The following PLXNA4 variants were observed in gnomAD, a reference collection of about 807,000 sequenced individuals.
PLXNA4 encodes the protein plexin-A4.
Under a neutral mutation model 191.8 loss-of-function variants are expected in PLXNA4, and 44 were observed. That is an observed-to-expected ratio of 0.23 (90% CI 0.18 to 0.29). The LOEUF (loss-of-function observed/expected upper bound fraction) is 0.29. PLXNA4 is among the 10% of genes least tolerant of loss of function. PLXNA4 has a pLI of 1.00. For synonymous variants in PLXNA4, 1,082 were observed against 1,009.5 expected (o/e 1.07, Z -1.36); for missense variants, 1,800 against 2,488.8 (o/e 0.72, Z 5.89).
At chr7:132,587,413 AAATT>A (rs1802522314) in intron 2 of PLXNA4, among the ~76,000 whole-genome samples, 1 of 152,210 alleles carries the variant, frequency 6.6e-6, no homozygotes, top group Non-Finnish European at 1.5e-5. Flanking sequence ...AAGAAAAAAT[AAATT>A]GTCTTGAGTG....
chr7:132,147,504 C>T (rs1196320793), intron 27 of PLXNA4, among the ~76,000 whole-genome samples: 1 of 152,172 alleles, frequency 6.6e-6, no homozygotes, highest in African/African-American at 2.4e-5. Context: ...TACCTGCACT[C>T]CACTGCAAAA....
intron 3 of PLXNA4, among the ~76,000 whole-genome samples, chr7:132,436,802 A>G (rs1795487656): frequency 6.6e-6 from 1 of 151,984 alleles, no homozygotes; most frequent in African/African-American, 2.4e-5. Flanking sequence ...GGAATGACCT[A>G]TTAAAATCCC....
chr7:132,481,094 T>A (rs1797316900), intron 3 of PLXNA4, among the ~76,000 whole-genome samples: 1 of 152,022 alleles, frequency 6.6e-6, no homozygotes, highest in South Asian at 2.1e-4. Context: ...GTGAGAGGAT[T>A]AGAACTGCTT....
intron 4 of PLXNA4, among the ~76,000 whole-genome samples, chr7:132,273,977 C>T (rs1800174627): frequency 1.3e-5 from 2 of 151,032 alleles, no homozygotes; most frequent in South Asian, 4.2e-4. Context: ...CTGAGGTTCA[C>T]CCATGCCATA....
intron 29 of PLXNA4, among the ~76,000 whole-genome samples, chr7:132,142,567 A>C (rs138908520): frequency 6.6e-6 from 1 of 152,234 alleles, no homozygotes; most frequent in Non-Finnish European, 1.5e-5. Context: ...GTCGACAAGG[A>C]TCTATTAAGT....
chr7:132,205,699 A>G (rs1797593860), intron 10 of PLXNA4, among the ~76,000 whole-genome samples: 1 of 152,182 alleles, frequency 6.6e-6, no homozygotes, highest in South Asian at 2.1e-4. Context: ...CAAGCTGAGC[A>G]CCATCTGATC....
chr7:132,273,565 C>T (rs998044916), intron 4 of PLXNA4, among the ~76,000 whole-genome samples: 18 of 152,154 alleles, frequency 1.2e-4, no homozygotes, highest in Non-Finnish European at 2.9e-5. Flanking sequence ...TAGTATTATG[C>T]TGCATGGTAA....
At chr7:132,248,803 G>A (rs540804660) in intron 4 of PLXNA4, among the ~76,000 whole-genome samples, 4 of 152,186 alleles carry the variant, frequency 2.6e-5, no homozygotes, top group Non-Finnish European at 2.9e-5. Flanking sequence ...AAGCAAAGAT[G>A]TGCTTCAGAC....
intron 2 of PLXNA4, among the ~76,000 whole-genome samples, chr7:132,611,079 G>C (rs369972088): frequency 6.6e-6 from 1 of 152,070 alleles, no homozygotes; most frequent in Non-Finnish European, 1.5e-5. Context: ...CAGTCCCCCC[G>C]GCCAGCAGCC....
At chr7:132,458,296 AT>A (rs1399779542) in intron 3 of PLXNA4, among the ~76,000 whole-genome samples, 5 of 151,878 alleles carry the variant, frequency 3.3e-5, no homozygotes, top group Non-Finnish European at 5.9e-5. Context: ...TGACCTAGCA[AT>A]TTCACTCCTA....
Position 132,549,267 on chromosome 7 carries a change from T to C in PLXNA4, c.-87+27155A>G, listed in dbSNP as rs1413547715. On this transcript the variant is annotated intron_variant, in intron 1 of 31. Coordinates refer to ENST00000321063, the MANE Select transcript of PLXNA4 (RefSeq NM_020911.2). ...TTGTGTGAGGTCCAAGAAAACTCTG[T>C]TGGGGTCTGGATCAGGATGCTTTTC... Among the ~76,000 whole-genome samples, 9 of 152,226 alleles carry C rather than the reference T, an allele frequency of 5.9e-5. No individual in the cohort carries two copies. In the East Asian group the frequency reaches 1.2e-3, roughly 20 times the overall value.
At chr7:132,305,425 G>A (rs1801480281) in intron 3 of PLXNA4, among the ~76,000 whole-genome samples, 1 of 143,168 alleles carries the variant, frequency 7.0e-6, no homozygotes, top group Admixed American at 7.0e-5. Flanking sequence ...TGGGTATCCA[G>A]GCATCTGCAT....
At chr7:132,512,500 G>C (rs1230162370) in intron 1 of PLXNA4, among the ~76,000 whole-genome samples, 1 of 152,148 alleles carries the variant, frequency 6.6e-6, no homozygotes, top group Non-Finnish European at 1.5e-5. Flanking sequence ...GGGGCCCACA[G>C]AAACAATAAC....
intron 3 of PLXNA4, among the ~76,000 whole-genome samples, chr7:132,383,063 C>T (rs1419781465): frequency 6.6e-6 from 1 of 152,126 alleles, no homozygotes; most frequent in African/African-American, 2.4e-5. Flanking sequence ...GTAGGAAACC[C>T]TTAATACATT....
chr7:132,645,532 T>G (rs1469132812), intron 2 of PLXNA4, among the ~76,000 whole-genome samples: 1 of 152,238 alleles, frequency 6.6e-6, no homozygotes, highest in African/African-American at 2.4e-5. Flanking sequence ...TCTTGGTTGT[T>G]TCTTTATAGC....
chr7:132,182,633 G>T (rs1331714141), intron 16 of PLXNA4, among the ~76,000 whole-genome samples: 4 of 152,142 alleles, frequency 2.6e-5, no homozygotes, highest in Non-Finnish European at 5.9e-5. Context: ...CATCCTGCAG[G>T]GGCTGAGCAC....
At chr7:132,132,831 T>A (rs536128867) in intron 31 of PLXNA4, among the ~76,000 whole-genome samples, 1 of 152,208 alleles carries the variant, frequency 6.6e-6, no homozygotes, top group South Asian at 2.1e-4. Flanking sequence ...AGGTACTTAT[T>A]TACATATCTA....
intron 14 of PLXNA4, among the ~76,000 whole-genome samples, chr7:132,190,073 C>T (rs1797039009): frequency 6.6e-6 from 1 of 152,242 alleles, no homozygotes; most frequent in South Asian, 2.1e-4. Flanking sequence ...CCTGCCTCTG[C>T]TTCAGTCTCT....
chr7:132,591,116 T>C (rs1802597019), intron 2 of PLXNA4, among the ~76,000 whole-genome samples: 1 of 152,156 alleles, frequency 6.6e-6, no homozygotes, highest in Non-Finnish European at 1.5e-5. Flanking sequence ...ATGGGATCAC[T>C]AACACTGATT....
Sources: gnomAD v4.1 joint callset for allele counts (sites outside exome capture counted in the v4.1 genomes callset) on GRCh38, gnomAD v4.1.1 for gene constraint, MANE v1.5 for transcripts, NCBI Gene and HGNC (gene_info 2026-07-23, HGNC 2026-07-21) for gene names.